The following KCNN1 variants were observed in gnomAD, a reference collection of about 807,000 sequenced individuals.
The protein encoded by KCNN1 is potassium calcium-activated channel subfamily N member 1, also known as small conductance calcium-activated potassium channel protein 1.
KCNN1 carries 20 observed loss-of-function variants against 44.7 expected under a neutral mutation model. The observed-to-expected ratio is 0.45, with a 90% CI of 0.32 to 0.65. The LOEUF (loss-of-function observed/expected upper bound fraction) is 0.65. Among genes scored for constraint, KCNN1 ranks in the 30% least tolerant of loss-of-function variants. KCNN1 has a pLI of 0.05. For synonymous variants in KCNN1, 324 were observed against 341.7 expected (o/e 0.95, Z 0.57); for missense variants, 632 against 785.3 (o/e 0.80, Z 2.33).
intron 1 of KCNN1, among the ~76,000 whole-genome samples, chr19:17,952,875 C>T (rs2031450068): frequency 1.3e-5 from 2 of 152,156 alleles, no homozygotes; most frequent in African/African-American, 4.8e-5. Context: ...GGAGGAGGGG[C>T]TGAGGCCCAG....
chr19:17,976,843 G>C (rs946946428), intron 3 of KCNN1, among the ~76,000 whole-genome samples: 26 of 151,990 alleles, frequency 1.7e-4, no homozygotes, highest in Admixed American at 1.4e-3. Flanking sequence ...AGTCTCCTGA[G>C]TGGCTGGGAT....
Position 17,986,812 on chromosome 19 carries a change from T to C in KCNN1, c.1059+1359T>C, listed in dbSNP as rs138695885. Among the ~76,000 whole-genome samples, 3 of 152,048 alleles carry C rather than the reference T, an allele frequency of 2.0e-5. No individual in the cohort carries two copies. The East Asian group carries it at 5.8e-4, about 30-fold the overall frequency. ...GCACCTGGCCCATGCCTGACTTTGT[T>C]TTTTTCCTCATTGAGATGGAGTCTC... On this transcript the variant is annotated intron_variant, in intron 5 of 9. Transcript: ENST00000684775.
intron 1 of KCNN1, among the ~76,000 whole-genome samples, chr19:17,951,591 G>A (rs1003815096): frequency 1.3e-5 from 2 of 152,124 alleles, no homozygotes; most frequent in African/African-American, 2.4e-5. Context: ...CCCAAGCCCG[G>A]GCCAGTCAGG....
At chr19:17,979,281 A>C (rs541493386) in intron 3 of KCNN1, among the ~76,000 whole-genome samples, 4 of 149,812 alleles carry the variant, frequency 2.7e-5, no homozygotes, top group African/African-American at 9.8e-5. Context: ...AAAATACAAA[A>C]CATTAGCCAG....
Position 17,981,969 on chromosome 19 carries a change from G to C in KCNN1, c.759G>C (p.Thr253=), listed in dbSNP as rs749143438. Reference sequence around the variant, plus strand: ...TGCTACTGCACAGCAAAATCTTCACGGACGCCTCGAGCCGCAGCATCGGGG... The same window carrying C: ...TGCTACTGCACAGCAAAATCTTCACCGACGCCTCGAGCCGCAGCATCGGGG... The part of the protein sequence containing the change: ...RVMLLHSKIF[T]DASSRSIGAL... Residue 253 remains threonine, a synonymous_variant, in exon 4 of 10, where the codon ACG becomes ACC. Transcript: ENST00000684775. 2.3e-5 allele frequency: 37 copies of C among 1,608,312 alleles called. No homozygotes were observed. The highest frequency in any genetic ancestry group is 4.0e-5 in the African/African-American group (3 of 74,736).
chr19:17,996,593 C>T (rs927625055), intron 9 of KCNN1, among the ~76,000 whole-genome samples: 6 of 152,082 alleles, frequency 3.9e-5, no homozygotes, highest in African/African-American at 1.4e-4. Context: ...ACAACAAGAG[C>T]GAGACTTCGT....
chr19:17,980,408 A>C (rs1369898783), intron 3 of KCNN1, among the ~76,000 whole-genome samples: 1 of 151,704 alleles, frequency 6.6e-6, no homozygotes, highest in Non-Finnish European at 1.5e-5. Flanking sequence ...GGTTGTGAAT[A>C]GTGCCGTTGT....
chr19:17,974,257 G>T lies in KCNN1; in HGVS notation c.369G>T (p.Thr123=). 1 of 1,599,918 alleles carries T rather than the reference G, an allele frequency of 6.3e-7. No homozygotes were observed. The highest frequency in any genetic ancestry group is 8.5e-7 in the Non-Finnish European group (1 of 1,171,606). The change falls in exon 2 of 10, where the codon ACG becomes ACT. Residue 123 remains threonine, a synonymous_variant. Transcript: ENST00000684775. The surrounding 1 kb of genome is among the most constrained non-coding windows in gnomAD (Gnocchi z 7.3). The stretch of plus-strand genomic sequence containing the variant: ...TGTTTGGCATCGTCGTCATGGTGAC[G>T]GAGACCGAGCTGTCCTGGGGGGTGT... ...FGMFGIVVMV[T]ETELSWGVYT...
intron 3 of KCNN1, among the ~76,000 whole-genome samples, chr19:17,978,113 T>C (rs934619797): frequency 6.6e-6 from 1 of 151,514 alleles, no homozygotes; most frequent in Admixed American, 6.6e-5. Context: ...GTGAATTTCA[T>C]ATATGTATAC....
At chr19:17,991,120 G>A (rs2032780289) in intron 7 of KCNN1, among the ~76,000 whole-genome samples, 1 of 152,030 alleles carries the variant, frequency 6.6e-6, no homozygotes, top group South Asian at 2.1e-4. Flanking sequence ...TTGGAAACCA[G>A]CCTGGGAAAC....
chr19:17,982,132 G>A lies in KCNN1; in HGVS notation c.917+5G>A, dbSNP rs1352689974. ...GACCGTGCGCGTCTGCGAGAGGTGC[G>A]ACCGCCGCCCCTGGAGCCCCCCCAG... On this transcript the variant is annotated splice_donor_5th_base_variant and intron_variant, in intron 4 of 9. Transcript: ENST00000684775. 6.6e-7 allele frequency: 1 copy of A among 1,525,974 alleles called. No individual in the cohort carries two copies. Among genetic ancestry groups the A allele is most frequent in the East Asian group, 2.4e-5 (1 of 42,016 alleles). The allele number at this position is 1,525,974 out of a possible 1,614,324, so 94.5% of individuals were successfully genotyped here. A position where few individuals can be genotyped will look rare whatever the true frequency, so the allele number is the denominator to read the frequency against.
At chr19:17,973,421 C>A (rs905725000) in intron 1 of KCNN1, among the ~76,000 whole-genome samples, 1 of 152,370 alleles carries the variant, frequency 6.6e-6, no homozygotes, top group Admixed American at 6.5e-5. Flanking sequence ...GCTGGGACTA[C>A]AGGCATGCAC....
chr19:17,982,973 G>C (rs2032471534), intron 4 of KCNN1, among the ~76,000 whole-genome samples: 1 of 151,936 alleles, frequency 6.6e-6, no homozygotes, highest in African/African-American at 2.4e-5. Context: ...CTGGGACGCG[G>C]AGGTTGCAGT....
At chr19:17,961,453 C>T (rs2031675596) in intron 2 of KCNN1, among the ~76,000 whole-genome samples, 1 of 151,938 alleles carries the variant, frequency 6.6e-6, no homozygotes, top group Non-Finnish European at 1.5e-5. Context: ...ACAGGAGAAT[C>T]TCTTAAGCCC....
chr19:17,984,007 A>C (rs1439660084), intron 4 of KCNN1, among the ~76,000 whole-genome samples: 1 of 151,892 alleles, frequency 6.6e-6, no homozygotes, highest in African/African-American at 2.4e-5. Flanking sequence ...AATACAAAAA[A>C]AAAAAATTAG....
chr19:17,965,804 A>G (rs1027048620), upstream of KCNN1, among the ~76,000 whole-genome samples: 2 of 151,842 alleles, frequency 1.3e-5, no homozygotes, highest in Non-Finnish European at 2.9e-5. Flanking sequence ...CCAGGCCTCT[A>G]TTTCCTGATT....
chr19:17,973,198 G>A (rs1035353462), intron 1 of KCNN1, among the ~76,000 whole-genome samples: 1 of 152,168 alleles, frequency 6.6e-6, no homozygotes, highest in Non-Finnish European at 1.5e-5. Flanking sequence ...TAAACCCCCA[G>A]ACTCAAGTGA....
chr19:17,979,216 G>C (rs1275596867), intron 3 of KCNN1, among the ~76,000 whole-genome samples: 2 of 149,780 alleles, frequency 1.3e-5, no homozygotes, highest in Non-Finnish European at 3.0e-5. Context: ...GGCGGATCAC[G>C]AGGTCAGGAG....
rs1451238144 is a variant in KCNN1, at chr19:17,981,968, C to T, written c.758C>T (p.Thr253Met). The T allele has an allele frequency of 6.2e-7, 1 of 1,608,290 alleles. No individual in the cohort carries two copies. The highest frequency in any genetic ancestry group is 8.5e-7 in the Non-Finnish European group (1 of 1,177,894). Reference sequence around the variant, plus strand: ...ATGCTACTGCACAGCAAAATCTTCACGGACGCCTCGAGCCGCAGCATCGGG... The same window carrying T: ...ATGCTACTGCACAGCAAAATCTTCATGGACGCCTCGAGCCGCAGCATCGGG... ...RVMLLHSKIF[T>M]DASSRSIGAL... Residue 253 changes from threonine to methionine, a missense_variant, in exon 4 of 10, where the codon ACG (threonine) becomes ATG (methionine). This residue lies in a region of KCNN1 where 160 missense variants were observed against 308.3 expected (regional missense o/e 0.52). Transcript: ENST00000684775.
Sources: allele counts gnomAD v4.1 joint callset (sites outside exome capture counted in the v4.1 genomes callset), GRCh38; gene constraint gnomAD v4.1.1; regional missense constraint gnomAD v4.1.1; non-coding constraint Gnocchi (gnomAD v3.1); transcripts MANE v1.5; gene names NCBI Gene and HGNC (gene_info 2026-07-23, HGNC 2026-07-21).